Variants in APBA1 observed in about 807,000 individuals in gnomAD.
APBA1 encodes the protein amyloid beta precursor protein binding family A member 1, also known as amyloid-beta A4 precursor protein-binding family A member 1.
A neutral mutation model predicts 86.6 loss-of-function variants in APBA1; 55 were observed. The ratio of observed to expected loss-of-function variants is 0.64; its 90% CI spans 0.51 to 0.80. APBA1 has a LOEUF of 0.80. Ranked by LOEUF, APBA1 falls within the 30% of genes least tolerant of loss-of-function variation. APBA1 has a pLI of 0.00. For missense variants in APBA1, 1,090 were observed against 1,183.0 expected, an observed-to-expected ratio of 0.92 and a Z score of 1.15; for synonymous variants, 511 against 493.9, an observed-to-expected ratio of 1.03 and a Z score of -0.46.
intron 1 of APBA1, among the ~76,000 whole-genome samples, chr9:69,547,401 G>A (rs1027749831): frequency 9.9e-5 from 15 of 152,142 alleles, no homozygotes; most frequent in African/African-American, 3.6e-4. Flanking sequence ...TCAGCAGTCA[G>A]CTTCTTTTAG....
intron 1 of APBA1, among the ~76,000 whole-genome samples, chr9:69,588,610 T>C (rs1385606647): frequency 6.6e-6 from 1 of 152,176 alleles, no homozygotes; most frequent in Non-Finnish European, 1.5e-5. Context: ...AAGTTTGATC[T>C]GCTTGTTAAA....
chr9:69,664,586 TC>T (rs1823810240), intron 1 of APBA1, among the ~76,000 whole-genome samples: 1 of 152,250 alleles, frequency 6.6e-6, no homozygotes, highest in Admixed American at 6.5e-5. Flanking sequence ...TGGAAGGATG[TC>T]ATATTTCTAA....
intron 1 of APBA1, among the ~76,000 whole-genome samples, chr9:69,595,579 G>A (rs1381091071): frequency 1.3e-5 from 2 of 152,168 alleles, no homozygotes; most frequent in Non-Finnish European, 2.9e-5. Flanking sequence ...TGATCTTCGT[G>A]ATAACTGTTT....
At chr9:69,533,185 A>G (rs1836459099) in intron 1 of APBA1, among the ~76,000 whole-genome samples, 1 of 152,230 alleles carries the variant, frequency 6.6e-6, no homozygotes. Flanking sequence ...TGGAGGGGAC[A>G]GGATATATAT....
Position 69,516,991 on chromosome 9 carries a change from A to G in APBA1, c.220T>C (p.Cys74Arg). The G allele has an allele frequency of 1.3e-6, 2 of 1,583,882 alleles. No homozygotes were observed. Among genetic ancestry groups the G allele is most frequent in the Non-Finnish European group, 1.7e-6 (2 of 1,171,930 alleles). Residue 74 changes from cysteine to arginine, a missense_variant, in exon 2 of 13, where the codon TGC becomes CGC. This residue lies in a region of APBA1 where 678 missense variants were observed against 647.1 expected (regional missense o/e 1.05). Coordinates refer to ENST00000265381, the MANE Select transcript of APBA1 (RefSeq NM_001163.4). This position sits in a 1 kb window ranked among gnomAD's most constrained non-coding sequence, Gnocchi z 7.3. ...LGQEEEERGE[C>R]LARSASTESG... ...TCCGTGCTGGCTGAGCGCGCCAGGC[A>G]TTCCCCGCGCTCCTCTTCCTCCTGG...
intron 1 of APBA1, among the ~76,000 whole-genome samples, chr9:69,599,867 C>T (rs898885771): frequency 2.0e-5 from 3 of 152,156 alleles, no homozygotes; most frequent in East Asian, 1.9e-4. Flanking sequence ...AGGGAGAGGA[C>T]GATCAGGAGG....
chr9:69,632,696 T>C (rs12340407), intron 1 of APBA1, among the ~76,000 whole-genome samples: 1,917 of 152,302 alleles, frequency 0.013, 23 homozygotes, highest in African/African-American at 0.039. Flanking sequence ...CATTCAGTGA[T>C]TTGGAATCAG....
At chr9:69,551,053 T>C (rs1836777127) in intron 1 of APBA1, among the ~76,000 whole-genome samples, 1 of 152,176 alleles carries the variant, frequency 6.6e-6, no homozygotes, top group Non-Finnish European at 1.5e-5. Flanking sequence ...AAAAATAGTA[T>C]TGACATATCC....
chr9:69,451,872 C>A (rs1277600496), intron 9 of APBA1, among the ~76,000 whole-genome samples: 1 of 152,142 alleles, frequency 6.6e-6, no homozygotes, highest in Non-Finnish European at 1.5e-5. Flanking sequence ...TGGGACCCAC[C>A]CAAAACTTAG....
chr9:69,579,986 C>A (rs1484900546), intron 1 of APBA1, among the ~76,000 whole-genome samples: 2 of 152,098 alleles, frequency 1.3e-5, no homozygotes, highest in Non-Finnish European at 2.9e-5. Flanking sequence ...TATTTTCCTA[C>A]TTCCTTAAAA....
chr9:69,671,727 C>T (rs376933516), intron 1 of APBA1, among the ~76,000 whole-genome samples: 1 of 152,166 alleles, frequency 6.6e-6, no homozygotes, highest in African/African-American at 2.4e-5. Context: ...TCCATCATCA[C>T]ATTCTTTCTC....
chr9:69,486,852 TTTTTTTTTTCTTCTTTTC>T (rs1429913350), intron 2 of APBA1, among the ~76,000 whole-genome samples: 5 of 104,212 alleles, frequency 4.8e-5, no homozygotes, highest in South Asian at 3.0e-4. Context: ...GGAGTAGATA[TTTTTTTTTTCTTCTTTTC>T]TTTTTTTTTT....
chr9:69,449,868 C>T (rs1834973230), intron 9 of APBA1, 72 bp from the exon 10 acceptor site: 1 of 1,374,822 alleles, frequency 7.3e-7, no homozygotes, highest in East Asian at 2.4e-5. Context: ...AAAGCCTCTC[C>T]CCCATTCCTG....
Position 69,516,289 on chromosome 9 carries a change from C to A in APBA1, c.922G>T (p.Gly308Trp), listed in dbSNP as rs754059877. The change falls in exon 2 of 13, where the codon GGG becomes TGG. Residue 308 changes from glycine (G) to tryptophan (W), a missense_variant. Physicochemically the swap from Gly to Trp is radical, Grantham distance 184. Around this residue, in one of 6 missense-constraint regions of APBA1, gnomAD observed 678 missense variants for 647.1 expected, o/e 1.05. Coordinates refer to ENST00000265381, the MANE Select transcript of APBA1 (RefSeq NM_001163.4). The surrounding 1 kb of genome is among the most constrained non-coding windows in gnomAD (Gnocchi z 7.3). ...QDLERPPTPA[G>W]GRPDSPGLQA... ...AGCCCGGGGCTGTCGGGGCGACCCC[C>A]GGCCGGGGTAGGGGGACGCTCCAGG... The A allele has an allele frequency of 1.3e-6, 2 of 1,511,056 alleles. No individual in the cohort carries two copies. Among genetic ancestry groups the A allele is most frequent in the African/African-American group, 1.4e-5 (1 of 69,514 alleles). The allele number at this position is 1,511,056 out of a possible 1,614,324, so 93.6% of individuals were successfully genotyped here.
At chr9:69,643,402 AT>A (rs989314453) in intron 1 of APBA1, among the ~76,000 whole-genome samples, 11 of 152,284 alleles carry the variant, frequency 7.2e-5, no homozygotes, top group African/African-American at 2.6e-4. Flanking sequence ...GTATATGTGA[AT>A]TTGCTAACAA....
intron 9 of APBA1, 120 bp downstream of exon 9, chr9:69,452,002 T>C (rs1835018072): frequency 1.1e-6 from 1 of 932,594 alleles, no homozygotes; most frequent in Non-Finnish European, 1.7e-6. Flanking sequence ...CTTCATGATG[T>C]CCTGCCAATA....
At chr9:69,553,993 CA>C (rs928056022) in intron 1 of APBA1, among the ~76,000 whole-genome samples, 65 of 152,240 alleles carry the variant, frequency 4.3e-4, no homozygotes, top group African/African-American at 1.5e-3. Context: ...GCCATCTCAG[CA>C]GGGCATGCAA....
intron 1 of APBA1, among the ~76,000 whole-genome samples, chr9:69,574,774 C>T (rs1292835719): frequency 6.6e-6 from 1 of 151,958 alleles, no homozygotes; most frequent in Non-Finnish European, 1.5e-5. Flanking sequence ...AAATAATAAG[C>T]CAAAAAGACT....
intron 2 of APBA1, among the ~76,000 whole-genome samples, chr9:69,502,090 T>C (rs1431940595): frequency 6.6e-6 from 1 of 152,090 alleles, no homozygotes; most frequent in African/African-American, 2.4e-5. Context: ...AAGATTCCTC[T>C]TGGGAGAGGG....
Sources: allele counts gnomAD v4.1 joint callset (sites outside exome capture counted in the v4.1 genomes callset), GRCh38; gene constraint gnomAD v4.1.1; regional missense constraint gnomAD v4.1.1; non-coding constraint Gnocchi (gnomAD v3.1); transcripts MANE v1.5; gene names NCBI Gene and HGNC (gene_info 2026-07-23, HGNC 2026-07-21).